The following NKX2-3 variants were observed in gnomAD, a reference collection of about 807,000 sequenced individuals.
NKX2-3 encodes the protein NK2 homeobox 3, also known as homeobox protein Nkx-2.3.
A neutral mutation model predicts 14.2 loss-of-function variants in NKX2-3; 3 were observed. That is an observed-to-expected ratio of 0.21 (90% CI 0.10 to 0.55). The LOEUF is 0.55. NKX2-3 is among the 20% of genes least tolerant of loss of function. NKX2-3 has a pLI of 0.94. For synonymous variants in NKX2-3, 276 were observed against 234.2 expected (o/e 1.18, Z -1.63); for missense variants, 511 against 514.5 (o/e 0.99, Z 0.06).
rs2033960309 is a variant in NKX2-3 at position 99,535,538 on chromosome 10, C to T, written c.912C>T (p.Gly304=). 4 of 1,325,812 alleles carry T rather than the reference C, an allele frequency of 3.0e-6. No individual in the cohort carries two copies. The highest frequency in any genetic ancestry group is 2.9e-6 in the Non-Finnish European group (3 of 1,044,536). The allele number at this position is 1,325,812 out of a possible 1,614,324, so 82.1% of individuals were successfully genotyped here. A position where few individuals can be genotyped will look rare whatever the true frequency, so the allele number is the denominator to read the frequency against. Residue 304 remains glycine (G), a synonymous_variant, in exon 2 of 2, where the codon GGC becomes GGT. Transcript: ENST00000344586. ...CGGCGGGCGGCGGCGGCGGCGGCGGCGGGACCTCCGCGGCGACCACTGCCA... is the reference window on the plus strand; with the variant it reads ...CGGCGGGCGGCGGCGGCGGCGGCGGTGGGACCTCCGCGGCGACCACTGCCA... ...AYPAGGGGGG[G]GTSAATTAMQ...
chr10:99,534,900 A>G, intron 1 of NKX2-3, 85 bp from the exon 2 acceptor site: 1 of 1,479,866 alleles, frequency 6.8e-7, no homozygotes. Context: ...CTGCGCAGCC[A>G]CCAAAAAGGG....
Position 99,535,408 on chromosome 10 carries a change from G to A in NKX2-3, c.782G>A (p.Ser261Asn). Residue 261 changes from serine (S) to asparagine (N), a missense_variant, in exon 2 of 2, where the codon AGC (serine) becomes AAC (asparagine). Coordinates refer to ENST00000344586, the MANE Select transcript of NKX2-3 (RefSeq NM_145285.3). ...SVGASAYSYN[S>N]FPAYGYGNSA... The stretch of plus-strand genomic sequence containing the variant: ...GGCGCCAGCGCCTACTCCTACAACA[G>A]CTTCCCCGCCTACGGCTATGGGAAC... 7.0e-7 allele frequency: 1 copy of A among 1,433,616 alleles called. No individual in the cohort carries two copies. Among genetic ancestry groups the A allele is most frequent in the South Asian group, 1.5e-5 (1 of 68,574 alleles). The allele number at this position is 1,433,616 out of a possible 1,614,324, so 88.8% of individuals were successfully genotyped here.
Position 99,535,276 on chromosome 10 carries a change from A to C in NKX2-3, c.650A>C (p.His217Pro). The change falls in exon 2 of 2, where the codon CAC (histidine) becomes CCC (proline). Residue 217 changes from histidine (H) to proline (P), a missense_variant. Coordinates refer to ENST00000344586, the MANE Select transcript of NKX2-3 (RefSeq NM_145285.3). ...GACAAGTCTCTGGAGCTTGGCGCACACGCGCCCCCGCCGCCGCCGCGCCGC... is the reference window on the plus strand; with the variant it reads ...GACAAGTCTCTGGAGCTTGGCGCACCCGCGCCCCCGCCGCCGCCGCGCCGC... ...RQDKSLELGAHAPPPPPRRVA... is the reference protein window; with the variant it reads ...RQDKSLELGAPAPPPPPRRVA... 1 of 1,594,046 alleles carries C rather than the reference A, an allele frequency of 6.3e-7. No individual in the cohort carries two copies.
At position 99,535,423 on chromosome 10, in the gene NKX2-3, G is replaced by A. The variant is rs969707759; in HGVS notation, c.797G>A (p.Gly266Asp). ...AYSYNSFPAY[G>D]YGNSAAAAAA... is the part of the protein sequence containing the mutation. ...TCCTACAACAGCTTCCCCGCCTACG[G>A]CTATGGGAACTCGGCCGCGGCCGCC... Residue 266 changes from glycine to aspartate, a missense_variant, in exon 2 of 2, where the codon GGC (glycine) becomes GAC (aspartate). Coordinates refer to ENST00000344586, the MANE Select transcript of NKX2-3 (RefSeq NM_145285.3). The A allele has an allele frequency of 1.4e-6, 2 of 1,408,802 alleles. No homozygotes were observed. The highest frequency in any genetic ancestry group is 1.8e-6 in the Non-Finnish European group (2 of 1,082,558). 87.3% of individuals were successfully genotyped at this position (1,408,802 alleles called of 1,614,324 possible). A position where few individuals can be genotyped will look rare whatever the true frequency, so the allele number is the denominator to read the frequency against.
rs777388553 is a variant in NKX2-3 at position 99,535,662 on chromosome 10, G to C, written c.1036G>C (p.Gly346Arg). The change falls in exon 2 of 2, where the codon GGT becomes CGT. Residue 346 changes from glycine to arginine, a missense_variant. This residue lies in a region of NKX2-3 where 264 missense variants were observed against 254.7 expected (regional missense o/e 1.04). Coordinates refer to ENST00000344586, the MANE Select transcript of NKX2-3 (RefSeq NM_145285.3). ...CGGCAGCGCACAGCCGTTGCACCAG[G>C]GTACTGCAGCCGGGGCCGCGTGCGC... ...SGGSAQPLHQGTAAGAACAQG... is the reference protein window; with the variant it reads ...SGGSAQPLHQRTAAGAACAQG... 1 of 1,537,500 alleles carries C rather than the reference G, an allele frequency of 6.5e-7. No homozygotes were observed. The highest frequency in any genetic ancestry group is 1.4e-5 in the African/African-American group (1 of 72,592).
Position 99,535,413 on chromosome 10 carries a change from C to A in NKX2-3, c.787C>A (p.Pro263Thr). The change falls in exon 2 of 2, where the codon CCC becomes ACC. Residue 263 changes from proline to threonine, a missense_variant. Around this residue, in one of 3 missense-constraint regions of NKX2-3, gnomAD observed 264 missense variants for 254.7 expected, o/e 1.04. Transcript: ENST00000344586. Reference protein sequence around the residue: ...GASAYSYNSFPAYGYGNSAAA... With the variant: ...GASAYSYNSFTAYGYGNSAAA... ...CAGCGCCTACTCCTACAACAGCTTC[C>A]CCGCCTACGGCTATGGGAACTCGGC... is the stretch of plus-strand genomic sequence containing the variant. The A allele has an allele frequency of 7.0e-7, 1 of 1,433,522 alleles. No individual in the cohort carries two copies. The highest frequency in any genetic ancestry group is 3.1e-5 in the Admixed American group (1 of 31,990). The allele number at this position is 1,433,522 out of a possible 1,614,324, so 88.8% of individuals were successfully genotyped here. A position where few individuals can be genotyped will look rare whatever the true frequency, so the allele number is the denominator to read the frequency against.
Position 99,535,469 on chromosome 10 carries a change from C to CGCA in NKX2-3, c.849_851dup (p.Ala286dup), listed in dbSNP as rs752566628. On this transcript the variant is annotated inframe_insertion, in exon 2 of 2. Transcript: ENST00000344586. The stretch of plus-strand genomic sequence containing the variant: ...CCGCCGCCGCCGCCGCCGCCGCCGC[C>CGCA]GCAGCAGCGGCGGCCTACAGCAGCA... 1.4e-5 allele frequency: 16 copies of CGCA among 1,106,484 alleles called. No homozygotes were observed. In the African/African-American group the frequency reaches 2.1e-4, roughly 14 times the overall value. 68.5% of individuals were successfully genotyped at this position (1,106,484 alleles called of 1,614,324 possible). A position where few individuals can be genotyped will look rare whatever the true frequency, so the allele number is the denominator to read the frequency against.
rs1161757651 is a variant in NKX2-3, at chr10:99,533,454, A to C, written c.323A>C (p.Glu108Ala). The C allele has an allele frequency of 6.3e-7, 1 of 1,589,650 alleles. No homozygotes were observed. The highest frequency in any genetic ancestry group is 1.3e-5 in the African/African-American group (1 of 74,834). Residue 108 changes from glutamate to alanine, a missense_variant, in exon 1 of 2, where the codon GAA (glutamate) becomes GCA (alanine). Physicochemically the swap from Glu to Ala is moderately radical, Grantham distance 107. This residue lies in a region of NKX2-3 where 243 missense variants were observed against 242.3 expected (regional missense o/e 1.00). Coordinates refer to ENST00000344586, the MANE Select transcript of NKX2-3 (RefSeq NM_145285.3). ...TCGTGCAGCGAGCCCAAGGAACATG[A>C]AGAGGAGCCCGAGGTCGTGAGGGAC... ...RDSCSEPKEH[E>A]EEPEVVRDRS...
chr10:99,535,069 G>A lies in NKX2-3; in HGVS notation c.443G>A (p.Arg148His), dbSNP rs755988006. 33 of 1,606,582 alleles carry A rather than the reference G, an allele frequency of 2.1e-5. No individual in the cohort carries two copies. The highest frequency in any genetic ancestry group is 3.3e-4 in the Middle Eastern group (2 of 6,028). The change falls in exon 2 of 2, where the codon CGC becomes CAC. Residue 148 changes from arginine (R) to histidine (H), a missense_variant. Physicochemically the swap from Arg to His is conservative, Grantham distance 29. Around this residue, in one of 3 missense-constraint regions of NKX2-3, gnomAD observed 243 missense variants for 242.3 expected, o/e 1.00. Transcript: ENST00000344586. ...AGCGAGAGGCCGAAGCCACGCAGCC[G>A]CCGGAAGCCCCGGGTCCTCTTCTCG... is the stretch of plus-strand genomic sequence containing the variant. The part of the protein sequence containing the change: ...EESERPKPRS[R>H]RKPRVLFSQA...
At position 99,535,751 on chromosome 10, in the gene NKX2-3, C is replaced by T. The variant is rs1268585100; in HGVS notation, c.*30C>T. ...GGGGCGGGTCACGCGGCGGGCACCC[C>T]AGCGCAGCCTGGCGCCGCGGGACTG... On this transcript the variant is annotated 3_prime_UTR_variant, in exon 2 of 2. Coordinates refer to ENST00000344586, the MANE Select transcript of NKX2-3 (RefSeq NM_145285.3). The T allele has an allele frequency of 4.6e-6, 7 of 1,520,218 alleles. No homozygotes were observed. The African/African-American group carries it at 9.7e-5, about 21-fold the overall frequency. 94.2% of individuals were successfully genotyped at this position (1,520,218 alleles called of 1,614,324 possible).
At position 99,535,868 on chromosome 10, in the gene NKX2-3, C is replaced by G. The variant is rs991773003; in HGVS notation, c.*147C>G. The G allele has an allele frequency of 2.9e-5, 28 of 955,230 alleles. No individual in the cohort carries two copies. The highest frequency in any genetic ancestry group is 3.5e-5 in the African/African-American group (2 of 56,982). 59.2% of individuals were successfully genotyped at this position (955,230 alleles called of 1,614,324 possible). On this transcript the variant is annotated 3_prime_UTR_variant, in exon 2 of 2. Transcript: ENST00000344586. ...TCAGGGCTTCGGATCGCAGCTCACT[C>G]GAGGCCTGGGGAAGGGGACTCAGGG...
chr10:99,535,313 G>T lies in NKX2-3; in HGVS notation c.687G>T (p.Pro229=). The stretch of plus-strand genomic sequence containing the variant: ...CGCCGCCGCGCCGCGTGGCTGTCCC[G>T]GTGCTGGTGCGGGACGGCAAGCCGT... ...PPPPPRRVAV[P]VLVRDGKPCV... The change falls in exon 2 of 2, where the codon CCG becomes CCT. Residue 229 remains proline, a synonymous_variant. Transcript: ENST00000344586. 6.4e-7 allele frequency: 1 copy of T among 1,567,446 alleles called. No individual in the cohort carries two copies. The highest frequency in any genetic ancestry group is 1.2e-5 in the South Asian group (1 of 86,164).
rs766326860 is a variant in NKX2-3 at position 99,533,002 on chromosome 10, G to GT, written c.-129dup. 3.2e-5 allele frequency: 22 copies of GT among 689,630 alleles called. No homozygotes were observed. The highest frequency in any genetic ancestry group is 5.3e-5 in the Non-Finnish European group (21 of 392,936). 42.7% of individuals were successfully genotyped at this position (689,630 alleles called of 1,614,324 possible). A position where few individuals can be genotyped will look rare whatever the true frequency, so the allele number is the denominator to read the frequency against. On this transcript the variant is annotated 5_prime_UTR_variant, in exon 1 of 2. Transcript: ENST00000344586. ...GCCAATGGAGGCGATTTAGACTGGA[G>GT]TGGGACCGCGTCTGTCAAAAGCCCG... is the stretch of plus-strand genomic sequence containing the variant.
Position 99,535,826 on chromosome 10 carries a change from T to A in NKX2-3, c.*105T>A, listed in dbSNP as rs2033964222. 2.3e-5 allele frequency: 29 copies of A among 1,260,508 alleles called. No homozygotes were observed. Among genetic ancestry groups the A allele is most frequent in the Non-Finnish European group, 3.1e-5 (29 of 949,118 alleles). 78.1% of individuals were successfully genotyped at this position (1,260,508 alleles called of 1,614,324 possible). On this transcript the variant is annotated 3_prime_UTR_variant, in exon 2 of 2. Transcript: ENST00000344586. ...AGGTCAGGTCCCCTCGTTAAAAAAA[T>A]ATGTACGTCTAGCTCCTCAGGGCTT...
chr10:99,534,857 TC>T, intron 1 of NKX2-3, 127 bp from the exon 2 acceptor site: 1 of 1,172,598 alleles, frequency 8.5e-7, no homozygotes, highest in East Asian at 2.6e-5. Flanking sequence ...CCACAAACGT[TC>T]CCAAAAGTCC....
intron 1 of NKX2-3, among the ~76,000 whole-genome samples, 170 bp from the exon 2 acceptor site, chr10:99,534,815 G>A (rs910905002): frequency 1.3e-5 from 2 of 152,202 alleles, no homozygotes; most frequent in Non-Finnish European, 2.9e-5. Context: ...TTTGGGTACT[G>A]GGGCTGTCTC....
chr10:99,535,539 G>T lies in NKX2-3; in HGVS notation c.913G>T (p.Gly305Trp), dbSNP rs2033960342. ...GGCGGGCGGCGGCGGCGGCGGCGGC[G>T]GGACCTCCGCGGCGACCACTGCCAT... ...YPAGGGGGGG[G>W]TSAATTAMQP... The change falls in exon 2 of 2, where the codon GGG becomes TGG. Residue 305 changes from glycine to tryptophan, a missense_variant. By Grantham distance (184) the Gly-to-Trp change is radical. Coordinates refer to ENST00000344586, the MANE Select transcript of NKX2-3 (RefSeq NM_145285.3). 7.5e-7 allele frequency: 1 copy of T among 1,329,626 alleles called. No homozygotes were observed. The highest frequency in any genetic ancestry group is 9.6e-7 in the Non-Finnish European group (1 of 1,046,630). 82.4% of individuals were successfully genotyped at this position (1,329,626 alleles called of 1,614,324 possible).
At position 99,535,158 on chromosome 10, in the gene NKX2-3, C is replaced by A; in HGVS notation, c.532C>A (p.Arg178Ser). 6.2e-7 allele frequency: 1 copy of A among 1,613,260 alleles called. No homozygotes were observed. Among genetic ancestry groups the A allele is most frequent in the Non-Finnish European group, 8.5e-7 (1 of 1,179,802 alleles). Residue 178 changes from arginine (R) to serine (S), a missense_variant, in exon 2 of 2, where the codon CGC (arginine) becomes AGC (serine). Physicochemically the swap from Arg to Ser is moderately radical, Grantham distance 110. Around this residue, in one of 3 missense-constraint regions of NKX2-3, gnomAD observed 243 missense variants for 242.3 expected, o/e 1.00. Coordinates refer to ENST00000344586, the MANE Select transcript of NKX2-3 (RefSeq NM_145285.3). The stretch of plus-strand genomic sequence containing the variant: ...GCAGCGGTACCTGTCGGCACCCGAG[C>A]GCGAGCACCTCGCCAGCAGCCTGAA... ...KQQRYLSAPE[R>S]EHLASSLKLT... is the part of the protein sequence containing the mutation.
Position 99,535,879 on chromosome 10 carries a change from G to T in NKX2-3, c.*158G>T. 2.3e-6 allele frequency: 2 copies of T among 865,724 alleles called. No individual in the cohort carries two copies. The highest frequency in any genetic ancestry group is 3.3e-6 in the Non-Finnish European group (2 of 600,288). The allele number at this position is 865,724 out of a possible 1,614,324, so 53.6% of individuals were successfully genotyped here. The stretch of plus-strand genomic sequence containing the variant: ...GATCGCAGCTCACTCGAGGCCTGGG[G>T]AAGGGGACTCAGGGGCGAGGAGGAT... On this transcript the variant is annotated 3_prime_UTR_variant, in exon 2 of 2. Coordinates refer to ENST00000344586, the MANE Select transcript of NKX2-3 (RefSeq NM_145285.3).
Sources: gnomAD v4.1 joint callset for allele counts (sites outside exome capture counted in the v4.1 genomes callset) on GRCh38, gnomAD v4.1.1 for gene constraint, gnomAD v4.1.1 regional missense constraint, MANE v1.5 for transcripts, NCBI Gene and HGNC (gene_info 2026-07-23, HGNC 2026-07-21) for gene names.